UBAP1: variants seen among roughly 807,000 people sequenced by gnomAD.
UBAP1 encodes the protein ubiquitin-associated protein 1.
A neutral mutation model predicts 39.0 loss-of-function variants in UBAP1; 5 were observed. That is an observed-to-expected ratio of 0.13 (90% CI 0.07 to 0.27). The LOEUF is 0.27. Among genes scored for constraint, UBAP1 ranks in the 10% least tolerant of loss-of-function variants. The probability of loss-of-function intolerance (pLI) is 1.00; values close to 1 mark genes in which losing one functional copy is unlikely to be tolerated. For missense variants in UBAP1, 490 were observed against 608.1 expected, an observed-to-expected ratio of 0.81 and a Z score of 2.04; for synonymous variants, 211 against 225.1, an observed-to-expected ratio of 0.94 and a Z score of 0.56.
chr9:34,207,694 T>C (rs1210563293), intron 1 of UBAP1, among the ~76,000 whole-genome samples: 3 of 151,530 alleles, frequency 2.0e-5, no homozygotes, highest in Admixed American at 1.3e-4. Flanking sequence ...GATCTTGCAA[T>C]GTTGCCCAGG....
chr9:34,246,861 T>C (rs1426352689), intron 4 of UBAP1, among the ~76,000 whole-genome samples: 1 of 152,192 alleles, frequency 6.6e-6, no homozygotes, highest in African/African-American at 2.4e-5. Context: ...CAAACACTCA[T>C]ATTTAATTTG....
intron 1 of UBAP1, among the ~76,000 whole-genome samples, chr9:34,215,249 T>C (rs1436723622): frequency 6.6e-6 from 1 of 152,010 alleles, no homozygotes; most frequent in Non-Finnish European, 1.5e-5. Flanking sequence ...ATGGATAAAC[T>C]GCTGTGTGTA....
chr9:34,189,311 C>T lies in UBAP1; in HGVS notation c.-8+10071C>T, dbSNP rs551513478. On this transcript the variant is annotated intron_variant, in intron 1 of 6. Coordinates refer to ENST00000297661, the MANE Select transcript of UBAP1 (RefSeq NM_016525.5). ...TCAAGTGATTCTTTCACCTCAGCCT[C>T]CCGAGTAGCTGGGATTACAGGCACG... Among the ~76,000 whole-genome samples the T allele has an allele frequency of 1.8e-4, 27 of 151,978 alleles. No homozygotes were observed. In the South Asian group the frequency reaches 5.2e-3, roughly 29 times the overall value.
chr9:34,250,554 TGGGTGG>T, intron 5 of UBAP1, 98 bp from the exon 6 acceptor site: 2 of 824,264 alleles, frequency 2.4e-6, no homozygotes, highest in Non-Finnish European at 3.9e-6. Flanking sequence ...TCTGACGGCC[TGGGTGG>T]GGCGGAGAAC....
At position 34,250,599 on chromosome 9, in the gene UBAP1, T is replaced by TC. The variant is rs1369038902; in HGVS notation, c.1267-58dup. The TC allele has an allele frequency of 4.9e-6, 7 of 1,421,572 alleles. No individual in the cohort carries two copies. The Admixed American group carries it at 1.1e-4, about 22-fold the overall frequency. 88.1% of individuals were successfully genotyped at this position (1,421,572 alleles called of 1,614,324 possible). The stretch of plus-strand genomic sequence containing the variant: ...CTTCACACACTAGTTTGTTGAGGTC[T>TC]CTTGGAAAGCACAGCAAAGAGCAGC... On this transcript the variant is annotated intron_variant, in intron 5 of 6. Transcript: ENST00000297661.
intron 1 of UBAP1, among the ~76,000 whole-genome samples, chr9:34,194,648 T>C (rs1028426394): frequency 1.3e-5 from 2 of 152,216 alleles, no homozygotes; most frequent in Non-Finnish European, 2.9e-5. Context: ...ATTGGAAATA[T>C]CCACTATTAG....
At chr9:34,179,755 T>G (rs533577962) in intron 1 of UBAP1, among the ~76,000 whole-genome samples, 133 of 152,264 alleles carry the variant, frequency 8.7e-4, no homozygotes, top group African/African-American at 3.0e-3. Context: ...TCTCCAGGTA[T>G]GTTTATCCGC....
intron 1 of UBAP1, among the ~76,000 whole-genome samples, chr9:34,215,525 A>ACCTGGGGGTCCAAC (rs1016739109): frequency 9.7e-5 from 13 of 133,534 alleles, no homozygotes; most frequent in Non-Finnish European, 1.9e-4. Flanking sequence ...GACTTTGGTG[A>ACCTGGGGGTCCAAC]CCTGGGGGGA....
intron 1 of UBAP1, among the ~76,000 whole-genome samples, chr9:34,197,044 C>T (rs972223494): frequency 4.6e-5 from 7 of 151,894 alleles, no homozygotes; most frequent in Non-Finnish European, 1.0e-4. Context: ...TCTCCCGCCT[C>T]AGCCTCCCGA....
intron 1 of UBAP1, among the ~76,000 whole-genome samples, chr9:34,211,209 C>T (rs1832001535): frequency 6.6e-6 from 1 of 151,994 alleles, no homozygotes; most frequent in Admixed American, 6.6e-5. Flanking sequence ...CTTTATTTTA[C>T]TGATGAGGGA....
chr9:34,236,247 A>T (rs1833696731), intron 3 of UBAP1, among the ~76,000 whole-genome samples: 1 of 152,124 alleles, frequency 6.6e-6, no homozygotes, highest in Non-Finnish European at 1.5e-5. Flanking sequence ...ATTATGCTAC[A>T]ATTGCCTACA....
At chr9:34,223,697 C>T (rs1402032323) in intron 2 of UBAP1, among the ~76,000 whole-genome samples, 2 of 152,138 alleles carry the variant, frequency 1.3e-5, no homozygotes, top group African/African-American at 2.4e-5. Flanking sequence ...CCTCGTGATC[C>T]GCCTGCCTTG....
At chr9:34,203,774 G>T (rs896780549) in intron 1 of UBAP1, among the ~76,000 whole-genome samples, 1 of 152,016 alleles carries the variant, frequency 6.6e-6, no homozygotes, top group Non-Finnish European at 1.5e-5. Flanking sequence ...CTTTGACACC[G>T]TGTGAAGTTG....
chr9:34,205,432 A>G (rs954948014), intron 1 of UBAP1, among the ~76,000 whole-genome samples: 22 of 152,182 alleles, frequency 1.4e-4, no homozygotes, highest in African/African-American at 5.3e-4. Flanking sequence ...GGTAACTACA[A>G]GAGATTATTG....
intron 1 of UBAP1, among the ~76,000 whole-genome samples, chr9:34,215,281 G>A (rs1312302174): frequency 6.6e-6 from 1 of 151,904 alleles, no homozygotes; most frequent in Non-Finnish European, 1.5e-5. Context: ...ATGATAGTGT[G>A]TGTGTGTGTA....
At chr9:34,210,518 AG>A (rs1292585641) in intron 1 of UBAP1, among the ~76,000 whole-genome samples, 1 of 152,136 alleles carries the variant, frequency 6.6e-6, no homozygotes, top group Admixed American at 6.5e-5. Flanking sequence ...CAGGAGTTTG[AG>A]ACCAGCCTGG....
intron 3 of UBAP1, among the ~76,000 whole-genome samples, chr9:34,240,926 T>C (rs1281432241): frequency 6.6e-6 from 1 of 152,216 alleles, no homozygotes. Flanking sequence ...GTTTAGGACA[T>C]TGTGCTAGAT....
rs770077167 is a variant in UBAP1 at position 34,182,671 on chromosome 9, C to CTCTCTCTTTCTCT, written c.-8+3432_-8+3433insCTCTCTTTCTCTT. On this transcript the variant is annotated intron_variant, in intron 1 of 6. Coordinates refer to ENST00000297661, the MANE Select transcript of UBAP1 (RefSeq NM_016525.5). ...TCTTTCTTTCTTTCTTTCTTTCTTT[C>CTCTCTCTTTCTCT]TTTCTTTCTTTCTCTCTCTCTTTCT... is the stretch of plus-strand genomic sequence containing the variant. Among the ~76,000 whole-genome samples, 34 of 88,010 alleles carry CTCTCTCTTTCTCT rather than the reference C, an allele frequency of 3.9e-4. 3 individuals carry two copies. Among genetic ancestry groups the CTCTCTCTTTCTCT allele is most frequent in the Non-Finnish European group, 7.1e-4 (31 of 43,794 alleles). The allele number at this position is 88,010 out of a possible 152,430, so 57.7% of individuals were successfully genotyped here.
intron 1 of UBAP1, among the ~76,000 whole-genome samples, chr9:34,184,618 G>A (rs149975589): frequency 0.21 from 27,102 of 129,196 alleles, 3,355 homozygotes; most frequent in South Asian, 0.31. Context: ...GCAATAGAGC[G>A]AGACTCCGTC....
Sources: allele counts gnomAD v4.1 joint callset (sites outside exome capture counted in the v4.1 genomes callset), GRCh38; gene constraint gnomAD v4.1.1; transcripts MANE v1.5; gene names NCBI Gene and HGNC (gene_info 2026-07-23, HGNC 2026-07-21).